The following LNPK variants were observed in gnomAD, a reference collection of about 807,000 sequenced individuals.
LNPK encodes lunapark, ER junction formation factor, also known as endoplasmic reticulum junction formation protein lunapark.
In LNPK, 29 loss-of-function variants were observed where a neutral mutation model predicts 55.2. That is an observed-to-expected ratio of 0.53 (90% CI 0.39 to 0.72). The LOEUF (loss-of-function observed/expected upper bound fraction) is 0.72, where lower values mean the gene tolerates loss of function less well. Among genes scored for constraint, LNPK ranks in the 30% least tolerant of loss-of-function variants. The pLI is 0.00. For missense variants in LNPK, 467 were observed against 494.8 expected (o/e 0.94, Z 0.53); for synonymous variants, 162 against 168.2 (o/e 0.96, Z 0.29).
rs1200446987 is a variant in LNPK at position 175,935,673 on chromosome 2, C to T, written c.1054+1671G>A. 4 of 457,050 alleles carry T rather than the reference C, an allele frequency of 8.8e-6. No individual in the cohort carries two copies. In the South Asian group the frequency reaches 2.8e-4, roughly 32 times the overall value. 28.3% of individuals were successfully genotyped at this position (457,050 alleles called of 1,614,324 possible). A position where few individuals can be genotyped will look rare whatever the true frequency, so the allele number is the denominator to read the frequency against. On this transcript the variant is annotated intron_variant, in intron 12 of 12. Coordinates refer to ENST00000272748, the MANE Select transcript of LNPK (RefSeq NM_030650.3). ...TTTAGCATTATGGAGTTATCAAACC[C>T]TGCCTCCAGTTTTGTCTTCATGTAA...
intron 5 of LNPK, among the ~76,000 whole-genome samples, chr2:175,977,926 C>G (rs970246485): frequency 3.3e-5 from 5 of 152,042 alleles, no homozygotes; most frequent in Non-Finnish European, 5.9e-5. Context: ...GAGATGATAA[C>G]TACAGGAGAT....
intron 8 of LNPK, among the ~76,000 whole-genome samples, chr2:175,959,957 G>C (rs1250179697): frequency 6.6e-6 from 1 of 151,798 alleles, no homozygotes; most frequent in East Asian, 1.9e-4. Context: ...GATCAAAAGA[G>C]ACAAAGAAGG....
At position 175,940,207 on chromosome 2, in the gene LNPK, C is replaced by T. The variant is rs115695828; in HGVS notation, c.707-550G>A. ...TTATTGCCTATAGAGAGTTTCCACTCGGCAGTGAAAAGAAAGTAAACCCAG... is the reference window on the plus strand; with the variant it reads ...TTATTGCCTATAGAGAGTTTCCACTTGGCAGTGAAAAGAAAGTAAACCCAG... On this transcript the variant is annotated intron_variant, in intron 9 of 12. Coordinates refer to ENST00000272748, the MANE Select transcript of LNPK (RefSeq NM_030650.3). Among the ~76,000 whole-genome samples, 559 of 151,954 alleles carry T rather than the reference C, an allele frequency of 3.7e-3. 15 individuals carry two copies. The South Asian group carries it at 0.074, about 20-fold the overall frequency.
At chr2:175,990,477 A>C (rs113499366) in intron 4 of LNPK, among the ~76,000 whole-genome samples, 1 of 152,172 alleles carries the variant, frequency 6.6e-6, no homozygotes, top group Non-Finnish European at 1.5e-5. Flanking sequence ...AATAAACCTC[A>C]TTTCTTTATA....
At position 175,929,911 on chromosome 2, in the gene LNPK, A is replaced by G; in HGVS notation, c.*56T>C. 6.3e-7 allele frequency: 1 copy of G among 1,599,804 alleles called. No homozygotes were observed. Among genetic ancestry groups the G allele is most frequent in the Non-Finnish European group, 8.5e-7 (1 of 1,172,168 alleles). ...AAAAGTAAGTGCCACCGAAAAAGCA[A>G]TAACTGACATCAGTAAGACTATAAA... On this transcript the variant is annotated 3_prime_UTR_variant, in exon 13 of 13. Coordinates refer to ENST00000272748, the MANE Select transcript of LNPK (RefSeq NM_030650.3).
intron 8 of LNPK, among the ~76,000 whole-genome samples, chr2:175,954,063 A>C (rs1470425591): frequency 6.6e-6 from 1 of 152,122 alleles, no homozygotes; most frequent in African/African-American, 2.4e-5. Context: ...TTTCAATCCT[A>C]TTCTCACAGC....
chr2:175,994,692 G>C (rs1184819060), intron 2 of LNPK, among the ~76,000 whole-genome samples: 3 of 151,756 alleles, frequency 2.0e-5, no homozygotes, highest in Non-Finnish European at 4.4e-5. Context: ...GCTAATTTTT[G>C]TATTTTTAGT....
intron 9 of LNPK, among the ~76,000 whole-genome samples, chr2:175,946,892 G>C (rs1685152827): frequency 2.0e-5 from 3 of 151,770 alleles, no homozygotes; most frequent in African/African-American, 7.3e-5. Flanking sequence ...CTTCAGAATG[G>C]GATCTTCCCC....
intron 5 of LNPK, among the ~76,000 whole-genome samples, chr2:175,976,914 C>T (rs1159108497): frequency 1.3e-5 from 2 of 152,164 alleles, no homozygotes; most frequent in Admixed American, 6.5e-5. Context: ...ATAATATTTC[C>T]TATTGGTTCT....
chr2:175,975,650 C>T lies in LNPK; in HGVS notation c.316+4160G>A, dbSNP rs575341885. ...ATGTACAGTTATTATTGACTATAGTCACCCTATTGTGCTATCAAATACTAG... is the reference window on the plus strand; with the variant it reads ...ATGTACAGTTATTATTGACTATAGTTACCCTATTGTGCTATCAAATACTAG... On this transcript the variant is annotated intron_variant, in intron 5 of 12. Coordinates refer to ENST00000272748, the MANE Select transcript of LNPK (RefSeq NM_030650.3). Among the ~76,000 whole-genome samples the T allele has an allele frequency of 1.0e-3, 155 of 152,324 alleles. 1 individual carries two copies. The highest frequency in any genetic ancestry group is 3.5e-3 in the African/African-American group (145 of 41,576).
upstream of LNPK, chr2:176,002,289 A>C: frequency 2.3e-6 from 1 of 438,966 alleles, no homozygotes; most frequent in African/African-American, 2.1e-5. Flanking sequence ...ACTCCTTCCC[A>C]TGAAACCCCG....
intron 5 of LNPK, among the ~76,000 whole-genome samples, chr2:175,975,896 C>CA (rs1292766877): frequency 2.0e-5 from 3 of 152,102 alleles, no homozygotes; most frequent in African/African-American, 7.2e-5. Flanking sequence ...GCCTGTAATC[C>CA]CAGCTACTTG....
At chr2:175,987,321 C>T (rs1354346021) in intron 4 of LNPK, among the ~76,000 whole-genome samples, 2 of 152,172 alleles carry the variant, frequency 1.3e-5, no homozygotes, top group African/African-American at 2.4e-5. Context: ...GGCACATATA[C>T]ACCACGGAAT....
chr2:175,971,648 T>C (rs1686668451), intron 5 of LNPK, among the ~76,000 whole-genome samples: 1 of 152,176 alleles, frequency 6.6e-6, no homozygotes, highest in South Asian at 2.1e-4. Flanking sequence ...AAGTACATCA[T>C]TTATGTAAAA....
At chr2:175,954,554 G>A (rs150534196) in intron 8 of LNPK, among the ~76,000 whole-genome samples, 15 of 152,180 alleles carry the variant, frequency 9.9e-5, no homozygotes, top group African/African-American at 2.9e-4. Context: ...GCCTTTAGTT[G>A]AGTTTGTTCT....
chr2:175,944,945 T>C (rs1685047830), intron 9 of LNPK, among the ~76,000 whole-genome samples: 1 of 151,874 alleles, frequency 6.6e-6, no homozygotes, highest in South Asian at 2.1e-4. Context: ...TGTTTTTTTT[T>C]TGAGACACAG....
At chr2:175,971,299 G>C (rs1559058002) in intron 5 of LNPK, among the ~76,000 whole-genome samples, 1 of 151,968 alleles carries the variant, frequency 6.6e-6, no homozygotes, top group Non-Finnish European at 1.5e-5. Context: ...TCTGAGAAGG[G>C]ACATGGAAAA....
intron 8 of LNPK, among the ~76,000 whole-genome samples, chr2:175,952,405 A>AT (rs1685469105): frequency 6.6e-6 from 1 of 151,962 alleles, no homozygotes; most frequent in African/African-American, 2.4e-5. Flanking sequence ...GCACAGGGAT[A>AT]TATTTTCAGG....
chr2:175,963,892 T>G (rs1171902771), intron 8 of LNPK, among the ~76,000 whole-genome samples: 1 of 151,940 alleles, frequency 6.6e-6, no homozygotes, highest in African/African-American at 2.4e-5. Flanking sequence ...TAATACAAGC[T>G]CAAAAATAGT....
Sources: allele counts gnomAD v4.1 joint callset (sites outside exome capture counted in the v4.1 genomes callset), GRCh38; gene constraint gnomAD v4.1.1; transcripts MANE v1.5; gene names NCBI Gene and HGNC (gene_info 2026-07-23, HGNC 2026-07-21).